Variants in PTPRG observed in about 807,000 individuals in gnomAD.
The protein encoded by PTPRG is protein tyrosine phosphatase receptor type G.
Under a neutral mutation model 165.3 loss-of-function variants are expected in PTPRG, and 102 were observed. The ratio of observed to expected loss-of-function variants is 0.62; its 90% CI spans 0.53 to 0.73. The LOEUF is 0.73. Among genes scored for constraint, PTPRG ranks in the 30% least tolerant of loss-of-function variants. PTPRG has a pLI of 0.00. For synonymous variants in PTPRG, 675 were observed against 669.5 expected, an observed-to-expected ratio of 1.01 and a Z score of -0.13; for missense variants, 1,866 against 1,861.4, an observed-to-expected ratio of 1.00 and a Z score of -0.05.
intron 27 of PTPRG, among the ~76,000 whole-genome samples, 190 bp downstream of exon 27, chr3:62,281,899 T>C (rs1702465083): frequency 6.6e-6 from 1 of 152,058 alleles, no homozygotes; most frequent in Admixed American, 6.6e-5. Flanking sequence ...AGATGAAATG[T>C]AACAGTTCCT....
chr3:61,723,750 G>A (rs918659239), intron 1 of PTPRG, among the ~76,000 whole-genome samples: 4 of 152,110 alleles, frequency 2.6e-5, no homozygotes, highest in African/African-American at 7.2e-5. Context: ...CACAATATAT[G>A]TTTGTAGGTC....
chr3:61,616,858 CTGCAGGGG>C (rs1469909769), intron 1 of PTPRG, among the ~76,000 whole-genome samples: 1 of 152,232 alleles, frequency 6.6e-6, no homozygotes, highest in Non-Finnish European at 1.5e-5. Flanking sequence ...GGCACTGCTG[CTGCAGGGG>C]TGCTGCTCTG....
At chr3:62,134,221 G>A (rs1363182617) in intron 6 of PTPRG, among the ~76,000 whole-genome samples, 1 of 152,154 alleles carries the variant, frequency 6.6e-6, no homozygotes, top group East Asian at 1.9e-4. Flanking sequence ...GATGCCCGGG[G>A]TGTGGTTTCA....
chr3:61,713,418 G>A (rs896770434), intron 1 of PTPRG, among the ~76,000 whole-genome samples: 2 of 149,944 alleles, frequency 1.3e-5, no homozygotes, highest in African/African-American at 2.5e-5. Context: ...TGATCCACCC[G>A]CCTCGGCTTC....
In PTPRG at chr3:61,843,432, T is replaced by C. The variant is rs1217434447; in HGVS notation, c.190+94450T>C. 5.3e-5 allele frequency among the ~76,000 whole-genome samples: 8 copies of C among 152,172 alleles called. 1 individual carries two copies. The highest frequency in any genetic ancestry group is 1.7e-4 in the African/African-American group (7 of 41,522). On this transcript the variant is annotated intron_variant, in intron 2 of 29. Coordinates refer to ENST00000474889, the MANE Select transcript of PTPRG (RefSeq NM_002841.4). Reference sequence around the variant, plus strand: ...ATGTACAAATAAAAAATAAGAGATATAAATGAATACAATGTAAGATAGTAT... The same window carrying C: ...ATGTACAAATAAAAAATAAGAGATACAAATGAATACAATGTAAGATAGTAT...
chr3:62,157,223 A>G lies in PTPRG; in HGVS notation c.839A>G (p.Gln280Arg). Residue 280 changes from glutamine (Q) to arginine (R), a missense_variant and splice_region_variant, in exon 7 of 30, where the codon CAG becomes CGG. Around this residue, in one of 3 missense-constraint regions of PTPRG, gnomAD observed 408 missense variants for 376.2 expected, o/e 1.08. Coordinates refer to ENST00000474889, the MANE Select transcript of PTPRG (RefSeq NM_002841.4). ...FRRPVPISYH[Q>R]LEAFYSIFTT... ...AGACCCGTCCCCATCTCTTACCATC[A>G]GGTAGATATTCTTCCTCAAGTGGGG... is the stretch of plus-strand genomic sequence containing the variant. The G allele has an allele frequency of 1.2e-6, 2 of 1,612,400 alleles. No individual in the cohort carries two copies. The highest frequency in any genetic ancestry group is 1.7e-6 in the Non-Finnish European group (2 of 1,178,706).
At chr3:62,081,981 C>T (rs557032704) in intron 5 of PTPRG, among the ~76,000 whole-genome samples, 1 of 152,264 alleles carries the variant, frequency 6.6e-6, no homozygotes, top group African/African-American at 2.4e-5. Context: ...GCACTAGAAC[C>T]TCACTGTCAT....
intron 2 of PTPRG, among the ~76,000 whole-genome samples, chr3:61,760,964 A>G (rs368219712): frequency 1.3e-5 from 2 of 152,194 alleles, no homozygotes; most frequent in African/African-American, 2.4e-5. Flanking sequence ...ATAGTACTCC[A>G]TGATGTATTT....
At chr3:61,774,909 G>GA (rs2034322504) in intron 2 of PTPRG, among the ~76,000 whole-genome samples, 1 of 152,170 alleles carries the variant, frequency 6.6e-6, no homozygotes, top group Non-Finnish European at 1.5e-5. Context: ...CCAAAGTGGA[G>GA]AATGTATTCT....
chr3:62,167,575 G>C (rs896743122), intron 7 of PTPRG, among the ~76,000 whole-genome samples: 3 of 152,198 alleles, frequency 2.0e-5, no homozygotes, highest in African/African-American at 7.2e-5. Context: ...GATGGAGTTA[G>C]TATTCATACC....
intron 2 of PTPRG, among the ~76,000 whole-genome samples, chr3:61,833,841 A>G (rs1319792973): frequency 1.3e-5 from 2 of 152,198 alleles, no homozygotes; most frequent in African/African-American, 4.8e-5. Flanking sequence ...CTAGGATTAC[A>G]GGCGTGAGCC....
In PTPRG at chr3:61,836,086, T is replaced by C. The variant is rs867260419; in HGVS notation, c.190+87104T>C. On this transcript the variant is annotated intron_variant, in intron 2 of 29. Coordinates refer to ENST00000474889, the MANE Select transcript of PTPRG (RefSeq NM_002841.4). ...CCAAAAAAAAAAATATATATATATATACACACACACACACCTGAACCCCAC... is the reference window on the plus strand; with the variant it reads ...CCAAAAAAAAAAATATATATATATACACACACACACACACCTGAACCCCAC... Among the ~76,000 whole-genome samples the C allele has an allele frequency of 1.6e-3, 183 of 114,154 alleles. 1 individual carries two copies. The highest frequency in any genetic ancestry group is 4.7e-3 in the African/African-American group (138 of 29,256). The allele number at this position is 114,154 out of a possible 152,430, so 74.9% of individuals were successfully genotyped here. A position where few individuals can be genotyped will look rare whatever the true frequency, so the allele number is the denominator to read the frequency against.
At chr3:61,650,844 T>G (rs1258350921) in intron 1 of PTPRG, among the ~76,000 whole-genome samples, 3 of 152,240 alleles carry the variant, frequency 2.0e-5, no homozygotes, top group Admixed American at 6.5e-5. Flanking sequence ...TTACCACTGT[T>G]TGGTTTTATA....
At chr3:62,182,526 G>A (rs141974839) in intron 8 of PTPRG, among the ~76,000 whole-genome samples, 1,962 of 152,342 alleles carry the variant, frequency 0.013, 19 homozygotes, top group Middle Eastern at 0.1. Context: ...TGTTGTTGAT[G>A]TGTGTTCTCC....
chr3:61,834,356 G>C (rs1024371903), intron 2 of PTPRG, among the ~76,000 whole-genome samples: 2 of 152,128 alleles, frequency 1.3e-5, no homozygotes, highest in African/African-American at 2.4e-5. Flanking sequence ...CAGGGGGTCA[G>C]TTTACAGTTC....
intron 1 of PTPRG, among the ~76,000 whole-genome samples, chr3:61,619,371 G>T (rs1701388222): frequency 6.6e-6 from 1 of 152,148 alleles, no homozygotes. Flanking sequence ...AGGGTTAATA[G>T]TTTTGTTCTC....
chr3:61,610,777 C>G (rs28446651), intron 1 of PTPRG, among the ~76,000 whole-genome samples: 2 of 86,450 alleles, frequency 2.3e-5, no homozygotes, highest in Non-Finnish European at 4.9e-5. Flanking sequence ...CTCCCTACCT[C>G]CCTCCCTCTC....
chr3:61,797,117 AGATATTCAT>A (rs2035073418), intron 2 of PTPRG, among the ~76,000 whole-genome samples: 1 of 152,228 alleles, frequency 6.6e-6, no homozygotes, highest in Admixed American at 6.5e-5. Flanking sequence ...CCAGGAGCTA[AGATATTCAT>A]CATGAGCTCT....
rs891437688 is a variant in PTPRG, at chr3:62,041,937, G to A, written c.520-36226G>A. 7.9e-5 allele frequency among the ~76,000 whole-genome samples: 12 copies of A among 152,080 alleles called. No individual in the cohort carries two copies. In the South Asian group the frequency reaches 8.3e-4, roughly 11 times the overall value. ...TGCATTATCTCATTTAACCTTCATCGCCTCTTAATTCTGCATCATAATCAT... is the reference window on the plus strand; with the variant it reads ...TGCATTATCTCATTTAACCTTCATCACCTCTTAATTCTGCATCATAATCAT... On this transcript the variant is annotated intron_variant, in intron 4 of 29. Coordinates refer to ENST00000474889, the MANE Select transcript of PTPRG (RefSeq NM_002841.4).
Sources: allele counts gnomAD v4.1 joint callset (sites outside exome capture counted in the v4.1 genomes callset), GRCh38; gene constraint gnomAD v4.1.1; regional missense constraint gnomAD v4.1.1; transcripts MANE v1.5; gene names NCBI Gene and HGNC (gene_info 2026-07-23, HGNC 2026-07-21).